PGPEP1: variants seen among roughly 807,000 people sequenced by gnomAD.
PGPEP1 encodes pyroglutamyl-peptidase I, also known as pyroglutamyl-peptidase 1.
PGPEP1 carries 15 observed loss-of-function variants against 24.1 expected under a neutral mutation model. The observed-to-expected ratio is 0.62, with a 90% confidence interval of 0.42 to 0.96. The LOEUF (loss-of-function observed/expected upper bound fraction) is 0.96, where lower values mean the gene tolerates loss of function less well. PGPEP1 is among the 40% of genes least tolerant of loss of function. The probability of loss-of-function intolerance (pLI) is 0.00; values close to 1 mark genes in which losing one functional copy is unlikely to be tolerated. For synonymous variants in PGPEP1, 122 were observed against 116.4 expected (o/e 1.05, Z -0.31); for missense variants, 242 against 273.4 (o/e 0.89, Z 0.81).
Position 18,363,916 on chromosome 19 carries a change from A to G in PGPEP1, c.*333A>G, listed in dbSNP as rs936744440. ...GCTGCGATACCACGGCTGGGGCCAT[A>G]TGTTCACCTGCTTTCCTGTCCGTTG... On this transcript the variant is annotated 3_prime_UTR_variant, in exon 5 of 5. Transcript: ENST00000269919. The G allele has an allele frequency of 4.3e-6, 1 of 230,738 alleles. No individual in the cohort carries two copies. Among genetic ancestry groups the G allele is most frequent in the Non-Finnish European group, 8.6e-6 (1 of 116,680 alleles). The allele number at this position is 230,738 out of a possible 1,614,324, so 14.3% of individuals were successfully genotyped here. A position where few individuals can be genotyped will look rare whatever the true frequency, so the allele number is the denominator to read the frequency against.
intron 2 of PGPEP1, among the ~76,000 whole-genome samples, chr19:18,343,581 A>G (rs1179416982): frequency 2.6e-5 from 4 of 151,930 alleles, no homozygotes; most frequent in Non-Finnish European, 5.9e-5. Context: ...CTGGAGGGCC[A>G]GGTGTGGATA....
At chr19:18,356,867 T>G (rs1971199160) in intron 3 of PGPEP1, among the ~76,000 whole-genome samples, 1 of 152,082 alleles carries the variant, frequency 6.6e-6, no homozygotes, top group East Asian at 1.9e-4. Context: ...GGTGAAACCC[T>G]GTCTCTACTA....
Position 18,340,612 on chromosome 19 carries a change from A to AGGCTGCAGC in PGPEP1, c.-66_-58dup, listed in dbSNP as rs1970639210. The AGGCTGCAGC allele has an allele frequency of 1.3e-5, 19 of 1,414,698 alleles. No homozygotes were observed. The South Asian group carries it at 2.4e-4, about 18-fold the overall frequency. The allele number at this position is 1,414,698 out of a possible 1,614,324, so 87.6% of individuals were successfully genotyped here. ...AGGGGCGTGGCCTCGCGCGGCCGAG[A>AGGCTGCAGC]GGCTGCAGCGGCAGCAGCTGTCGCG... On this transcript the variant is annotated 5_prime_UTR_variant, in exon 1 of 5. Coordinates refer to ENST00000269919, the MANE Select transcript of PGPEP1 (RefSeq NM_017712.4).
At position 18,369,873 on chromosome 19, in the gene PGPEP1, G is replaced by A. The variant is rs1297890241; in HGVS notation, c.*6290G>A. ...CCCCCCAGGCGGAGAAGGATATGCCGGATTCTGCCTGGGGCTGGGCTCTAG... is the reference window on the plus strand; with the variant it reads ...CCCCCCAGGCGGAGAAGGATATGCCAGATTCTGCCTGGGGCTGGGCTCTAG... On this transcript the variant is annotated 3_prime_UTR_variant, in exon 5 of 5. Transcript: ENST00000269919. 2.0e-5 allele frequency: 3 copies of A among 152,046 alleles called. No individual in the cohort carries two copies. Among genetic ancestry groups the A allele is most frequent in the South Asian group, 2.1e-4 (1 of 4,820 alleles). 9.4% of individuals were successfully genotyped at this position (152,046 alleles called of 1,614,324 possible).
chr19:18,367,856 G>A lies in PGPEP1; in HGVS notation c.*4273G>A, dbSNP rs1971599038. The A allele has an allele frequency of 1.3e-5, 2 of 152,266 alleles. No individual in the cohort carries two copies. Among genetic ancestry groups the A allele is most frequent in the African/African-American group, 2.4e-5 (1 of 41,416 alleles). 9.4% of individuals were successfully genotyped at this position (152,266 alleles called of 1,614,324 possible). A position where few individuals can be genotyped will look rare whatever the true frequency, so the allele number is the denominator to read the frequency against. ...TCTCGGCAAGGAGGGGAATCCTGGA[G>A]ATGGTTCATGTCTGTGATCCCAGTG... On this transcript the variant is annotated 3_prime_UTR_variant, in exon 5 of 5. Coordinates refer to ENST00000269919, the MANE Select transcript of PGPEP1 (RefSeq NM_017712.4).
chr19:18,362,795 G>A (rs1011797361), intron 4 of PGPEP1, among the ~76,000 whole-genome samples: 11 of 151,838 alleles, frequency 7.2e-5, no homozygotes, highest in African/African-American at 2.7e-4. Flanking sequence ...AGGAGGGTGG[G>A]GTAGGAGGAT....
At chr19:18,346,633 CTTT>C (rs775309565) in intron 2 of PGPEP1, among the ~76,000 whole-genome samples, 8,554 of 78,744 alleles carry the variant, frequency 0.11, 128 homozygotes, top group East Asian at 0.15. Context: ...CTGTTTCTCT[CTTT>C]TTTTTTTTTT....
At chr19:18,363,044 T>TGTGTGTGTGTGG (rs1358596552) in intron 4 of PGPEP1, among the ~76,000 whole-genome samples, 1 of 150,590 alleles carries the variant, frequency 6.6e-6, no homozygotes, top group Admixed American at 6.7e-5. Context: ...TGTGTGTGTG[T>TGTGTGTGTGTGG]GTGTGTGTGT....
chr19:18,352,248 C>T (rs1265454412), intron 2 of PGPEP1, among the ~76,000 whole-genome samples: 1 of 97,528 alleles, frequency 1.0e-5, no homozygotes, highest in Non-Finnish European at 2.2e-5. Flanking sequence ...GCCTGGGTGA[C>T]AGAGCGAGAC....
At chr19:18,361,918 G>A (rs1971357004) in intron 4 of PGPEP1, 1 of 979,374 alleles carries the variant, frequency 1.0e-6, no homozygotes, top group South Asian at 4.7e-5. Context: ...ATTTTTTTCT[G>A]GCTGTACCAC....
At chr19:18,344,904 G>C (rs984381994) in intron 2 of PGPEP1, among the ~76,000 whole-genome samples, 1 of 152,140 alleles carries the variant, frequency 6.6e-6, no homozygotes, top group African/African-American at 2.4e-5. Context: ...GGGGCTTCTC[G>C]GATGGTGAAG....
At chr19:18,349,302 C>T (rs1367208049) in intron 2 of PGPEP1, among the ~76,000 whole-genome samples, 2 of 152,140 alleles carry the variant, frequency 1.3e-5, no homozygotes, top group Non-Finnish European at 2.9e-5. Flanking sequence ...ATGCCTCAGC[C>T]TCCTGGGTAG....
At chr19:18,358,984 G>T (rs1168548759) in intron 4 of PGPEP1, among the ~76,000 whole-genome samples, 5 of 152,136 alleles carry the variant, frequency 3.3e-5, no homozygotes, top group Admixed American at 6.6e-5. Context: ...ATTGCAAAAG[G>T]TCTTTTATAA....
chr19:18,344,903 C>T (rs1970789079), intron 2 of PGPEP1, among the ~76,000 whole-genome samples: 1 of 152,098 alleles, frequency 6.6e-6, no homozygotes, highest in Non-Finnish European at 1.5e-5. Context: ...CGGGGCTTCT[C>T]GGATGGTGAA....
At chr19:18,361,734 T>A (rs569784945) in intron 4 of PGPEP1, 1 of 985,390 alleles carries the variant, frequency 1.0e-6, no homozygotes, top group Admixed American at 6.1e-5. Flanking sequence ...AAGCTCCTAC[T>A]GACTGACACG....
chr19:18,359,603 G>A (rs148156145), intron 4 of PGPEP1, among the ~76,000 whole-genome samples: 263 of 151,056 alleles, frequency 1.7e-3, no homozygotes, highest in Admixed American at 5.8e-3. Flanking sequence ...CGCCTCTGAC[G>A]TTCAAGTGAT....
chr19:18,345,594 G>A (rs1241511878), intron 2 of PGPEP1, among the ~76,000 whole-genome samples: 4 of 150,874 alleles, frequency 2.7e-5, no homozygotes, highest in South Asian at 2.1e-4. Flanking sequence ...GAGTGGTGGC[G>A]CATGCCTGTA....
rs1170774929 is a variant in PGPEP1 at position 18,368,124 on chromosome 19, C to G, written c.*4541C>G. 6.6e-6 allele frequency: 1 copy of G among 151,772 alleles called. No individual in the cohort carries two copies. Among genetic ancestry groups the G allele is most frequent in the Non-Finnish European group, 1.5e-5 (1 of 68,086 alleles). The allele number at this position is 151,772 out of a possible 1,614,324, so 9.4% of individuals were successfully genotyped here. A position where few individuals can be genotyped will look rare whatever the true frequency, so the allele number is the denominator to read the frequency against. ...CCCCAGCCTGGGCAACAGAGCAAGA[C>G]CCTGCCTCAAAATTAAGAAAAAAAA... On this transcript the variant is annotated 3_prime_UTR_variant, in exon 5 of 5. Coordinates refer to ENST00000269919, the MANE Select transcript of PGPEP1 (RefSeq NM_017712.4).
intron 1 of PGPEP1, 44 bp downstream of exon 1, chr19:18,340,759 G>T: frequency 7.2e-7 from 1 of 1,396,814 alleles, no homozygotes. Context: ...GCCGGGGGCA[G>T]AGGCGGGGGC....
Sources: gnomAD v4.1 joint callset for allele counts (sites outside exome capture counted in the v4.1 genomes callset) on GRCh38, gnomAD v4.1.1 for gene constraint, MANE v1.5 for transcripts, NCBI Gene and HGNC (gene_info 2026-07-23, HGNC 2026-07-21) for gene names.